The following MARCHF6 variants were observed in gnomAD, a reference collection of about 807,000 sequenced individuals.
MARCHF6 encodes E3 ubiquitin-protein ligase MARCHF6.
Under a neutral mutation model 133.7 loss-of-function variants are expected in MARCHF6, and 31 were observed. The observed-to-expected ratio is 0.23, with a 90% CI of 0.17 to 0.31. The LOEUF (loss-of-function observed/expected upper bound fraction) is 0.31. Among genes scored for constraint, MARCHF6 ranks in the 10% least tolerant of loss-of-function variants. The pLI is 1.00. For synonymous variants in MARCHF6, 395 were observed against 402.5 expected, an observed-to-expected ratio of 0.98 and a Z score of 0.22; for missense variants, 723 against 1,121.6, an observed-to-expected ratio of 0.64 and a Z score of 5.08.
At chr5:10,361,152 G>A (rs1735799036) in intron 1 of MARCHF6, among the ~76,000 whole-genome samples, 1 of 152,184 alleles carries the variant, frequency 6.6e-6, no homozygotes, top group Admixed American at 6.5e-5. Context: ...GAATGGAAAA[G>A]AAGAAATAGA....
intron 1 of MARCHF6, among the ~76,000 whole-genome samples, chr5:10,364,965 G>A (rs1340078799): frequency 6.6e-6 from 1 of 151,836 alleles, no homozygotes; most frequent in African/African-American, 2.4e-5. Flanking sequence ...CACCACGCCC[G>A]GCTAATTTTG....
chr5:10,411,438 G>A lies in MARCHF6; in HGVS notation c.1797G>A (p.Val599=), dbSNP rs762524506. ...QHARNNNAIP[V]VGEGLHAAHQ... ...CTCGAAATAACAACGCTATTCCTGT[G>A]GTGGGAGAAGGCCTTCATGCAGCCC... Residue 599 remains valine, a synonymous_variant, in exon 19 of 26, where the codon GTG becomes GTA. Coordinates refer to ENST00000274140, the MANE Select transcript of MARCHF6 (RefSeq NM_005885.4). 1.7e-5 allele frequency: 27 copies of A among 1,614,098 alleles called. 2 individuals are homozygous for A. In the South Asian group the frequency reaches 2.9e-4, roughly 17 times the overall value.
At chr5:10,368,959 T>A (rs1411925052) in intron 1 of MARCHF6, among the ~76,000 whole-genome samples, 13 of 143,790 alleles carry the variant, frequency 9.0e-5, no homozygotes, top group Non-Finnish European at 1.8e-4. Context: ...TCTGTTTCTT[T>A]AAAAAAAAAA....
At chr5:10,430,735 C>T (rs1255419647) in intron 25 of MARCHF6, among the ~76,000 whole-genome samples, 1 of 152,114 alleles carries the variant, frequency 6.6e-6, no homozygotes, top group Non-Finnish European at 1.5e-5. Context: ...CTGCATAAGC[C>T]CCTCTTGCTT....
intron 1 of MARCHF6, among the ~76,000 whole-genome samples, chr5:10,364,550 A>G (rs1382711689): frequency 6.6e-6 from 1 of 152,188 alleles, no homozygotes; most frequent in Non-Finnish European, 1.5e-5. Flanking sequence ...TAGCATCCCT[A>G]TCACTGAACA....
In MARCHF6 at chr5:10,353,885, C is replaced by G; in HGVS notation, c.-14C>G. ...GAGCCTCGTGGCTGCGTCACCGCCG[C>G]CCCCCCAGACAAGATGGACACCGCG... On this transcript the variant is annotated 5_prime_UTR_variant, in exon 1 of 26. Coordinates refer to ENST00000274140, the MANE Select transcript of MARCHF6 (RefSeq NM_005885.4). 6.4e-7 allele frequency: 1 copy of G among 1,561,184 alleles called. No homozygotes were observed. Among genetic ancestry groups the G allele is most frequent in the East Asian group, 2.4e-5 (1 of 41,536 alleles).
chr5:10,378,704 C>T, intron 2 of MARCHF6, 55 bp from the exon 3 acceptor site: 1 of 1,090,568 alleles, frequency 9.2e-7, no homozygotes, highest in Non-Finnish European at 1.4e-6. Flanking sequence ...TTCGACAAAA[C>T]TGTAATGTTT....
chr5:10,426,572 G>A (rs369749730), intron 24 of MARCHF6, 50 bp downstream of exon 24: 18 of 1,594,024 alleles, frequency 1.1e-5, no homozygotes, highest in African/African-American at 1.4e-5. Context: ...TATTAACATT[G>A]GACATTCTCT....
At chr5:10,426,276 GTA>G in intron 23 of MARCHF6, 112 bp from the exon 24 acceptor site, 1 of 1,201,148 alleles carries the variant, frequency 8.3e-7, no homozygotes, top group Non-Finnish European at 1.2e-6. Flanking sequence ...TTTAGAAGAA[GTA>G]ACCAGTTTGA....
At chr5:10,413,044 T>G (rs756700144) in intron 19 of MARCHF6, among the ~76,000 whole-genome samples, 9 of 152,124 alleles carry the variant, frequency 5.9e-5, no homozygotes, top group Non-Finnish European at 1.3e-4. Context: ...ATGGAGCACC[T>G]TGAGCACCCT....
intron 10 of MARCHF6, 48 bp downstream of exon 10, chr5:10,397,392 T>G: frequency 1.4e-6 from 2 of 1,412,204 alleles, no homozygotes; most frequent in Non-Finnish European, 1.9e-6. Flanking sequence ...TGGTAGGAAT[T>G]TAGTTTTGTA....
intron 12 of MARCHF6, 69 bp downstream of exon 12, chr5:10,402,208 C>T (rs761069769): frequency 4.8e-5 from 57 of 1,177,640 alleles, no homozygotes; most frequent in Admixed American, 1.9e-5. Flanking sequence ...TCATTAATGG[C>T]GAAACTTGTC....
chr5:10,366,196 T>C (rs1736131788), intron 1 of MARCHF6, among the ~76,000 whole-genome samples: 2 of 152,218 alleles, frequency 1.3e-5, no homozygotes, highest in African/African-American at 4.8e-5. Context: ...GTGCTGGGAT[T>C]ACAGGCATGA....
At chr5:10,399,887 A>G (rs1199039430) in intron 10 of MARCHF6, among the ~76,000 whole-genome samples, 2 of 152,162 alleles carry the variant, frequency 1.3e-5, no homozygotes, top group Non-Finnish European at 2.9e-5. Context: ...TTCTTGCAGC[A>G]TGTCATGTTT....
chr5:10,354,271 C>T (rs994807770), intron 1 of MARCHF6, among the ~76,000 whole-genome samples: 1 of 152,190 alleles, frequency 6.6e-6, no homozygotes, highest in African/African-American at 2.4e-5. Context: ...TTTTCCGCAC[C>T]CTTCCCCCAC....
intron 23 of MARCHF6, among the ~76,000 whole-genome samples, chr5:10,425,348 G>A (rs1469739314): frequency 2.0e-5 from 3 of 152,308 alleles, no homozygotes; most frequent in Middle Eastern, 3.4e-3. Context: ...GAATGGCCAG[G>A]TTAGCCTCTG....
intron 1 of MARCHF6, among the ~76,000 whole-genome samples, chr5:10,359,314 G>A (rs528200962): frequency 6.6e-6 from 1 of 152,272 alleles, no homozygotes; most frequent in African/African-American, 2.4e-5. Flanking sequence ...GATTTATCTT[G>A]TAAACAGACA....
chr5:10,383,590 C>T (rs1277918282), intron 4 of MARCHF6, among the ~76,000 whole-genome samples: 1 of 152,036 alleles, frequency 6.6e-6, no homozygotes, highest in African/African-American at 2.4e-5. Context: ...CCTAAAATTC[C>T]CTTTCTGCAA....
rs141524921 is a variant in MARCHF6, at chr5:10,417,293, G to A, written c.2172G>A (p.Ala724=). The change falls in exon 22 of 26, where the codon GCG becomes GCA. Residue 724 remains alanine, a synonymous_variant. Transcript: ENST00000274140. Reference sequence around the variant, plus strand: ...AGATCATGAAGACTTTGATAGTTGCGGTGCTGTTGGCTGGAGTTGTCCCTC... The same window carrying A: ...AGATCATGAAGACTTTGATAGTTGCAGTGCTGTTGGCTGGAGTTGTCCCTC... ...SLMIMKTLIV[A]VLLAGVVPLL... is the part of the protein sequence containing the mutation. The A allele has an allele frequency of 4.1e-4, 660 of 1,613,228 alleles. No individual in the cohort carries two copies. Among genetic ancestry groups the A allele is most frequent in the Non-Finnish European group, 5.3e-4 (629 of 1,179,860 alleles).
Sources: allele counts gnomAD v4.1 joint callset (sites outside exome capture counted in the v4.1 genomes callset), GRCh38; gene constraint gnomAD v4.1.1; transcripts MANE v1.5; gene names NCBI Gene and HGNC (gene_info 2026-07-23, HGNC 2026-07-21).